The following IGF1R variants were observed in gnomAD, a reference collection of about 807,000 sequenced individuals.
IGF1R encodes the protein insulin like growth factor 1 receptor, also known as insulin-like growth factor 1 receptor.
A neutral mutation model predicts 144.6 loss-of-function variants in IGF1R; 44 were observed. That is an observed-to-expected ratio of 0.30 (90% CI 0.24 to 0.39). IGF1R has a LOEUF of 0.39. IGF1R is among the 10% of genes least tolerant of loss of function. The probability of loss-of-function intolerance (pLI) is 1.00; values close to 1 mark genes in which losing one functional copy is unlikely to be tolerated. For missense variants in IGF1R, 1,355 were observed against 1,833.7 expected (o/e 0.74, Z 4.77); for synonymous variants, 795 against 722.8 (o/e 1.10, Z -1.60).
At chr15:98,830,589 A>AACATCTGATC (rs2056982053) in intron 2 of IGF1R, among the ~76,000 whole-genome samples, 2 of 150,588 alleles carry the variant, frequency 1.3e-5, no homozygotes, top group African/African-American at 4.9e-5. Context: ...GCATGGTTCC[A>AACATCTGATC]ACATCTGATC....
rs1351690536 is a variant in IGF1R at position 98,922,103 on chromosome 15, A to C, written c.2202-45A>C. On this transcript the variant is annotated intron_variant, in intron 10 of 20. Transcript: ENST00000650285. ...CTTACTCAAGTCATAGAAAAGACAA[A>C]AGAGGTAAAAGTACTTAAAAGCCAC... The C allele has an allele frequency of 1.9e-6, 3 of 1,605,082 alleles. No individual in the cohort carries two copies. The African/African-American group carries it at 4.0e-5, about 21-fold the overall frequency.
intron 15 of IGF1R, among the ~76,000 whole-genome samples, chr15:98,934,280 C>A (rs1464570024): frequency 6.6e-6 from 1 of 152,114 alleles, no homozygotes; most frequent in African/African-American, 2.4e-5. Context: ...TGGATTCATC[C>A]AAGAAGTAGG....
intron 2 of IGF1R, among the ~76,000 whole-genome samples, chr15:98,775,210 G>A (rs1391559399): frequency 1.3e-5 from 2 of 152,138 alleles, no homozygotes; most frequent in African/African-American, 2.4e-5. Context: ...TGTAGCAAGC[G>A]GGACCATTGC....
rs561256285 is a variant in IGF1R, at chr15:98,957,268, C to T, written c.3930C>T (p.Ser1310=). The T allele has an allele frequency of 3.1e-6, 5 of 1,614,032 alleles. No individual in the cohort carries two copies. The highest frequency in any genetic ancestry group is 1.7e-5 in the Admixed American group (1 of 60,032). ...MESVPLDPSA[S]SSSLPLPDRH... Reference sequence around the variant, plus strand: ...GCGTCCCCCTGGACCCCTCGGCCTCCTCGTCCTCCCTGCCACTGCCCGACA... The same window carrying T: ...GCGTCCCCCTGGACCCCTCGGCCTCTTCGTCCTCCCTGCCACTGCCCGACA... Residue 1310 remains serine, a synonymous_variant, in exon 21 of 21, where the codon TCC becomes TCT. Coordinates refer to ENST00000650285, the MANE Select transcript of IGF1R (RefSeq NM_000875.5).
chr15:98,886,759 CTAA>C (rs1352153102), intron 2 of IGF1R, among the ~76,000 whole-genome samples: 3 of 152,144 alleles, frequency 2.0e-5, no homozygotes, highest in Non-Finnish European at 4.4e-5. Flanking sequence ...GTCCTGAACA[CTAA>C]TAATATTTAT....
chr15:98,848,890 A>G (rs1417743758), intron 2 of IGF1R, among the ~76,000 whole-genome samples: 3 of 152,260 alleles, frequency 2.0e-5, no homozygotes, highest in African/African-American at 7.2e-5. Context: ...AAAACACCTT[A>G]AGATAACCAT....
intron 2 of IGF1R, among the ~76,000 whole-genome samples, chr15:98,737,813 C>T (rs551281056): frequency 3.9e-5 from 6 of 152,168 alleles, no homozygotes; most frequent in Admixed American, 1.3e-4. Context: ...AAAGTTCTGT[C>T]GTCTTCTGTG....
intron 18 of IGF1R, among the ~76,000 whole-genome samples, chr15:98,941,322 G>A (rs917384613): frequency 1.3e-5 from 2 of 152,220 alleles, no homozygotes; most frequent in African/African-American, 4.8e-5. Flanking sequence ...CACATGGGGG[G>A]AACTCAGTTT....
chr15:98,652,645 A>G (rs2052397181), intron 1 of IGF1R, among the ~76,000 whole-genome samples: 1 of 152,210 alleles, frequency 6.6e-6, no homozygotes, highest in Admixed American at 6.5e-5. Flanking sequence ...CAAAAAGTGA[A>G]AGAAGTCAGT....
intron 2 of IGF1R, among the ~76,000 whole-genome samples, chr15:98,786,601 CAG>C (rs1191858632): frequency 4.6e-5 from 7 of 152,202 alleles, no homozygotes; most frequent in Admixed American, 1.3e-4. Flanking sequence ...CCTGGAAACA[CAG>C]GGGATTTCTC....
intron 1 of IGF1R, among the ~76,000 whole-genome samples, chr15:98,661,152 T>C (rs964399993): frequency 6.6e-6 from 1 of 152,196 alleles, no homozygotes; most frequent in African/African-American, 2.4e-5. Flanking sequence ...TTGGCTTCTA[T>C]TTTTTGCATT....
chr15:98,677,894 G>T (rs1414345002), intron 1 of IGF1R, among the ~76,000 whole-genome samples: 1 of 152,188 alleles, frequency 6.6e-6, no homozygotes, highest in Non-Finnish European at 1.5e-5. Flanking sequence ...ACCAAGCATG[G>T]TTGGTCATAG....
intron 1 of IGF1R, among the ~76,000 whole-genome samples, chr15:98,692,717 A>T (rs1301218406): frequency 1.3e-5 from 2 of 152,216 alleles, no homozygotes; most frequent in Non-Finnish European, 2.9e-5. Flanking sequence ...TCTTTCCCGC[A>T]ACAACTACCT....
At position 98,899,532 on chromosome 15, in the gene IGF1R, C is replaced by T. The variant is rs374565032; in HGVS notation, c.1158C>T (p.Gly386=). The T allele has an allele frequency of 1.5e-5, 25 of 1,613,974 alleles. No homozygotes were observed. Among genetic ancestry groups the T allele is most frequent in the African/African-American group, 2.7e-5 (2 of 74,926 alleles). Residue 386 remains glycine (G), a synonymous_variant, in exon 5 of 21, where the codon GGC becomes GGT. Transcript: ENST00000650285. ...TGGGGCTCATCGAGGTGGTGACGGG[C>T]TACGTGAAGATCCGCCATTCTCATG... The part of the protein sequence containing the change: ...NFMGLIEVVT[G]YVKIRHSHAL...
At chr15:98,852,456 T>A (rs2011572438) in intron 2 of IGF1R, among the ~76,000 whole-genome samples, 1 of 152,200 alleles carries the variant, frequency 6.6e-6, no homozygotes, top group Admixed American at 6.5e-5. Context: ...CGTTGGGAAA[T>A]TCCACCTTTC....
chr15:98,708,147 T>C (rs776695166), intron 2 of IGF1R, 40 bp downstream of exon 2: 6 of 1,539,274 alleles, frequency 3.9e-6, no homozygotes, highest in Non-Finnish European at 2.7e-6. Flanking sequence ...TCTGCCTCTC[T>C]CTCTCCTCTC....
At chr15:98,851,908 A>G (rs2141560175) in intron 2 of IGF1R, among the ~76,000 whole-genome samples, 1 of 152,344 alleles carries the variant, frequency 6.6e-6, no homozygotes, top group East Asian at 1.9e-4. Flanking sequence ...ACTTGCAAGG[A>G]AAGGGACTAA....
chr15:98,901,602 C>T (rs909515417), intron 5 of IGF1R, among the ~76,000 whole-genome samples: 5 of 152,270 alleles, frequency 3.3e-5, no homozygotes, highest in Admixed American at 2.0e-4. Context: ...AGGGAAGAGT[C>T]AGAGCGAGAA....
At chr15:98,912,924 A>G (rs2151676603) in intron 7 of IGF1R, 120 bp from the exon 8 acceptor site, 1 of 711,294 alleles carries the variant, frequency 1.4e-6, no homozygotes, top group Non-Finnish European at 2.5e-6. Context: ...AGTCTAATTG[A>G]TTATTTGTTT....
Sources: gnomAD v4.1 joint callset for allele counts (sites outside exome capture counted in the v4.1 genomes callset) on GRCh38, gnomAD v4.1.1 for gene constraint, MANE v1.5 for transcripts, NCBI Gene and HGNC (gene_info 2026-07-23, HGNC 2026-07-21) for gene names.